Variants in COL12A1 observed in about 807,000 individuals in gnomAD.
COL12A1 encodes collagen alpha-1(XII) chain.
A neutral mutation model predicts 349.7 loss-of-function variants in COL12A1; 114 were observed. That is an observed-to-expected ratio of 0.33 (90% CI 0.28 to 0.38). The LOEUF is 0.38. Among genes scored for constraint, COL12A1 ranks in the 10% least tolerant of loss-of-function variants. The probability of loss-of-function intolerance (pLI) is 1.00; values close to 1 mark genes in which losing one functional copy is unlikely to be tolerated. For missense variants in COL12A1, 3,284 were observed against 3,756.9 expected (o/e 0.87, Z 3.29); for synonymous variants, 1,369 against 1,329.0 (o/e 1.03, Z -0.66).
Position 75,091,277 on chromosome 6 carries a change from A to G in COL12A1, c.8752+46T>C, listed in dbSNP as rs544211538. 2.0e-6 allele frequency: 3 copies of G among 1,516,688 alleles called. No individual in the cohort carries two copies. The South Asian group carries it at 3.5e-5, about 18-fold the overall frequency. The allele number at this position is 1,516,688 out of a possible 1,614,324, so 94.0% of individuals were successfully genotyped here. A position where few individuals can be genotyped will look rare whatever the true frequency, so the allele number is the denominator to read the frequency against. On this transcript the variant is annotated intron_variant, in intron 62 of 65. Transcript: ENST00000322507. ...GACTCAAACTCTGCATTTTCCTGCA[A>G]TTAATTTTAAAACAATTCATACAGT...
intron 2 of COL12A1, 107 bp from the exon 3 acceptor site, chr6:75,195,054 TAAATTTGTTTCCAA>T (rs1406435629): frequency 3.2e-6 from 2 of 623,174 alleles, no homozygotes; most frequent in East Asian, 5.7e-5. Context: ...TGTCTTTGCA[TAAATTTGTTTCCAA>T]CAAATATAAA....
At chr6:75,139,978 A>G (rs913978528) in intron 27 of COL12A1, among the ~76,000 whole-genome samples, 1 of 152,228 alleles carries the variant, frequency 6.6e-6, no homozygotes, top group Admixed American at 6.5e-5. Flanking sequence ...TTACAATGAA[A>G]AGGCCCATTG....
chr6:75,138,969 G>A lies in COL12A1; in HGVS notation c.4958-8C>T, dbSNP rs776464444. On this transcript the variant is annotated splice_polypyrimidine_tract_variant and splice_region_variant and intron_variant, in intron 27 of 65. Transcript: ENST00000322507. ...TTGGGGCTGGCACGGGTCCTATCAT[G>A]AGAAAAGGCAAGCAGACTAAGTTTT... The A allele has an allele frequency of 1.2e-6, 2 of 1,612,704 alleles. No homozygotes were observed. The highest frequency in any genetic ancestry group is 1.3e-5 in the African/African-American group (1 of 74,832).
chr6:75,130,328 T>G (rs1766240491), intron 36 of COL12A1, 95 bp from the exon 37 acceptor site: 1 of 1,212,890 alleles, frequency 8.2e-7, no homozygotes, highest in South Asian at 1.5e-5. Context: ...CATTCACCAT[T>G]CACTCAGATG....
intron 20 of COL12A1, among the ~76,000 whole-genome samples, chr6:75,151,631 A>G (rs1188454111): frequency 6.6e-6 from 1 of 152,172 alleles, no homozygotes; most frequent in Non-Finnish European, 1.5e-5. Context: ...TATGAATCCT[A>G]TTAATACCAC....
chr6:75,101,565 T>C, intron 58 of COL12A1, 35 bp downstream of exon 58: 2 of 1,598,016 alleles, frequency 1.3e-6, no homozygotes, highest in Non-Finnish European at 1.7e-6. Flanking sequence ...TGACATCATT[T>C]CCAACATCAT....
intron 2 of COL12A1, among the ~76,000 whole-genome samples, chr6:75,196,110 T>A (rs1770216317): frequency 6.6e-6 from 1 of 152,222 alleles, no homozygotes; most frequent in African/African-American, 2.4e-5. Context: ...TGATATTCTC[T>A]CTACAATGTT....
chr6:75,101,480 T>C (rs1582048664), intron 58 of COL12A1, 120 bp downstream of exon 58: 1 of 922,906 alleles, frequency 1.1e-6, no homozygotes, highest in East Asian at 2.6e-5. Flanking sequence ...TTTGCAGCTT[T>C]GCAGCTTTCC....
At position 75,095,141 on chromosome 6, in the gene COL12A1, C is replaced by T; in HGVS notation, c.8616G>A (p.Gly2872=). The change falls in exon 60 of 66, where the codon GGG becomes GGA. Residue 2872 remains glycine (G), a synonymous_variant. Transcript: ENST00000322507. ...PGSPGVTGPS[G]KPGKPGDHGR... is the part of the protein sequence containing the mutation. ...CATGATCTCCAGGTTTTCCTGGCTT[C>T]CCACTTGGTCCTGTGACTCCTGGGG... is the stretch of plus-strand genomic sequence containing the variant. 1 of 1,614,134 alleles carries T rather than the reference C, an allele frequency of 6.2e-7. No individual in the cohort carries two copies.
chr6:75,191,172 G>A (rs888544025), intron 5 of COL12A1, among the ~76,000 whole-genome samples: 1 of 151,906 alleles, frequency 6.6e-6, no homozygotes, highest in African/African-American at 2.4e-5. Flanking sequence ...GTGTGTTACA[G>A]AGACTCTCAA....
rs1379518477 is a variant in COL12A1, at chr6:75,174,526, A to AGTCCGCGCAGTCCG, written c.2710+511_2710+512insCGGACTGCGCGGAC. 5.9e-5 allele frequency among the ~76,000 whole-genome samples: 9 copies of AGTCCGCGCAGTCCG among 152,332 alleles called. No homozygotes were observed. In the East Asian group the frequency reaches 1.2e-3, roughly 20 times the overall value. On this transcript the variant is annotated intron_variant, in intron 13 of 65. Transcript: ENST00000322507. ...AGCCGAGATAGCGCCACTGCAGTCC[A>AGTCCGCGCAGTCCG]GCCTGGGCGAAAGAGCGAGACTCTG... is the stretch of plus-strand genomic sequence containing the variant.
chr6:75,159,012 C>T (rs1159153788), intron 14 of COL12A1, among the ~76,000 whole-genome samples: 1 of 151,758 alleles, frequency 6.6e-6, no homozygotes, highest in East Asian at 1.9e-4. Context: ...ACTCACAGAT[C>T]CTAGAAGTGT....
intron 58 of COL12A1, among the ~76,000 whole-genome samples, chr6:75,099,412 T>A (rs1768198905): frequency 6.6e-6 from 1 of 152,212 alleles, no homozygotes; most frequent in African/African-American, 2.4e-5. Flanking sequence ...CACCCAAGTT[T>A]CTCCAACTAC....
intron 14 of COL12A1, among the ~76,000 whole-genome samples, chr6:75,160,757 C>T (rs961313986): frequency 4.6e-5 from 7 of 152,156 alleles, no homozygotes; most frequent in East Asian, 1.9e-4. Context: ...CCTCACCTAA[C>T]GTTAAATAAT....
In COL12A1 at chr6:75,175,101, C is replaced by T; in HGVS notation, c.2647G>A (p.Val883Met). Reference sequence around the variant, plus strand: ...GCCCCAGACGCATACAAGGCTGTCACAGATAAGGCGTATTGTGTCCCTTCC... The same window carrying T: ...GCCCCAGACGCATACAAGGCTGTCATAGATAAGGCGTATTGTGTCCCTTCC... ...LKEGTQYALS[V>M]TALYASGAGD... The change falls in exon 13 of 66, where the codon GTG (valine) becomes ATG (methionine). Residue 883 changes from valine to methionine, a missense_variant. Val to Met is a conservative substitution (Grantham distance 21). Around this residue, in one of 2 missense-constraint regions of COL12A1, gnomAD observed 2,601 missense variants for 2,824.8 expected, o/e 0.92. Transcript: ENST00000322507. 6.2e-7 allele frequency: 1 copy of T among 1,614,186 alleles called. No individual in the cohort carries two copies. The highest frequency in any genetic ancestry group is 1.7e-5 in the Admixed American group (1 of 60,024).
At position 75,109,136 on chromosome 6, in the gene COL12A1, T is replaced by G. The variant is rs1290644085; in HGVS notation, c.7982A>C (p.Lys2661Thr). 2 of 1,600,900 alleles carry G rather than the reference T, an allele frequency of 1.2e-6. No individual in the cohort carries two copies. The highest frequency in any genetic ancestry group is 2.2e-5 in the South Asian group (2 of 89,746). Residue 2661 changes from lysine to threonine, a missense_variant, in exon 52 of 66, where the codon AAG becomes ACG. By Grantham distance (78) the Lys-to-Thr change is moderately conservative. Transcript: ENST00000322507. ...VHIVVTSKSV[K>T]IYIDCYEIIE... ...AATTTCATAGCAGTCAATGTAAATCTTAACACTTTTTGAGGTCACTACAAT... is the reference window on the plus strand; with the variant it reads ...AATTTCATAGCAGTCAATGTAAATCGTAACACTTTTTGAGGTCACTACAAT...
In COL12A1 at chr6:75,181,048, A is replaced by C. The variant is rs780620827; in HGVS notation, c.2055T>G (p.Ser685Arg). ...VTVVEPASST[S>R]VVLSSLKPET... ...CTGGCTTCAGGCTGCTGAGAACAAC[A>C]CTGGTGCTCGATGCTGGCTCCACCA... Residue 685 changes from serine to arginine, a missense_variant, in exon 11 of 66, where the codon AGT (serine) becomes AGG (arginine). By Grantham distance (110) the Ser-to-Arg change is moderately radical (BLOSUM62 -1). Coordinates refer to ENST00000322507, the MANE Select transcript of COL12A1 (RefSeq NM_004370.6). 6.2e-7 allele frequency: 1 copy of C among 1,613,812 alleles called. No homozygotes were observed. The highest frequency in any genetic ancestry group is 8.5e-7 in the Non-Finnish European group (1 of 1,179,974).
chr6:75,155,560 C>A (rs1767710400), intron 16 of COL12A1, 102 bp downstream of exon 16: 3 of 1,157,966 alleles, frequency 2.6e-6, no homozygotes, highest in Non-Finnish European at 3.7e-6. Context: ...GGCAAACAGA[C>A]ATATAAGTGA....
chr6:75,087,675 C>T lies in COL12A1; in HGVS notation c.9083G>A (p.Arg3028His), dbSNP rs41266761. 5.7e-3 allele frequency: 9,114 copies of T among 1,610,232 alleles called. 43 individuals are homozygous for T. The highest frequency in any genetic ancestry group is 7.0e-3 in the Non-Finnish European group (8,269 of 1,178,836). ...GSRGPPGPPG[R>H]PGNSGIRGPP... is the part of the protein sequence containing the mutation. Reference sequence around the variant, plus strand: ...TCCTCGGATACCTGAGTTTCCAGGACGGCCAGGGGGGCCAGGGGGACCTCT... The same window carrying T: ...TCCTCGGATACCTGAGTTTCCAGGATGGCCAGGGGGGCCAGGGGGACCTCT... Residue 3028 changes from arginine (R) to histidine (H), a missense_variant, in exon 65 of 66, where the codon CGT (arginine) becomes CAT (histidine). By Grantham distance (29) the Arg-to-His change is conservative (BLOSUM62 0). Around this residue, in one of 2 missense-constraint regions of COL12A1, gnomAD observed 683 missense variants for 932.1 expected, o/e 0.73. Transcript: ENST00000322507.
Sources: gnomAD v4.1 joint callset for allele counts (sites outside exome capture counted in the v4.1 genomes callset) on GRCh38, gnomAD v4.1.1 for gene constraint, gnomAD v4.1.1 regional missense constraint, MANE v1.5 for transcripts, NCBI Gene and HGNC (gene_info 2026-07-23, HGNC 2026-07-21) for gene names.